R3HDM2: variants seen among roughly 807,000 people sequenced by gnomAD.
R3HDM2 encodes the protein R3H domain containing 2.
A neutral mutation model predicts 124.5 loss-of-function variants in R3HDM2; 38 were observed. The observed-to-expected ratio is 0.31, with a 90% CI of 0.24 to 0.40. The LOEUF is 0.40. Among genes scored for constraint, R3HDM2 ranks in the 10% least tolerant of loss-of-function variants. The probability of loss-of-function intolerance (pLI) is 1.00; values close to 1 mark genes in which losing one functional copy is unlikely to be tolerated. For missense variants in R3HDM2, 869 were observed against 1,236.9 expected (o/e 0.70, Z 4.46); for synonymous variants, 391 against 448.0 (o/e 0.87, Z 1.61).
chr12:57,339,957 G>A (rs2059359150), intron 2 of R3HDM2, among the ~76,000 whole-genome samples: 1 of 152,104 alleles, frequency 6.6e-6, no homozygotes, highest in Non-Finnish European at 1.5e-5. Context: ...AGGGAGAAAA[G>A]GGGATAAAAA....
At chr12:57,284,151 TGGGTAA>T in intron 12 of R3HDM2, 95 bp from the exon 13 acceptor site, 2 of 1,149,190 alleles carry the variant, frequency 1.7e-6, no homozygotes, top group Non-Finnish European at 2.5e-6. Context: ...TAACAAAGAA[TGGGTAA>T]GAATTAAAGG....
intron 2 of R3HDM2, among the ~76,000 whole-genome samples, chr12:57,378,810 C>T (rs552913961): frequency 1.5e-4 from 23 of 152,308 alleles, no homozygotes; most frequent in Non-Finnish European, 2.9e-4. Context: ...TTCATAATAG[C>T]TACATGGTAG....
At chr12:57,317,668 T>TAAA (rs562475743) in intron 2 of R3HDM2, among the ~76,000 whole-genome samples, 4 of 108,112 alleles carry the variant, frequency 3.7e-5, no homozygotes, top group Admixed American at 2.3e-4. Context: ...AGAAGATAGT[T>TAAA]AAAAAAAAAA....
chr12:57,299,460 T>C lies in R3HDM2; in HGVS notation c.313A>G (p.Ile105Val), dbSNP rs1439189868. 2.6e-6 allele frequency: 4 copies of C among 1,546,798 alleles called. No homozygotes were observed. Among genetic ancestry groups the C allele is most frequent in the African/African-American group, 1.4e-5 (1 of 72,938 alleles). ...TCCTCCTTGTCAGAAGGGCAACTGA[T>C]GTGCAATTGAATTATATCCTTAAGG... ...LETQDIIQLH[I>V]SCPSDKEEEK... The change falls in exon 6 of 24, where the codon ATC (isoleucine) becomes GTC (valine). Residue 105 changes from isoleucine (I) to valine (V), a missense_variant. Transcript: ENST00000402412.
intron 1 of R3HDM2, among the ~76,000 whole-genome samples, chr12:57,414,211 C>T (rs1436790719): frequency 6.6e-6 from 1 of 151,202 alleles, no homozygotes; most frequent in Admixed American, 6.6e-5. Flanking sequence ...ATAGGCCAGA[C>T]ACAGGGGCTC....
chr12:57,283,646 G>A (rs1284249475), intron 13 of R3HDM2, among the ~76,000 whole-genome samples, 178 bp downstream of exon 13: 1 of 152,100 alleles, frequency 6.6e-6, no homozygotes, highest in Non-Finnish European at 1.5e-5. Context: ...GGCTGAGGCA[G>A]GAGAATCACT....
At chr12:57,421,238 G>C (rs1156318455) in intron 1 of R3HDM2, among the ~76,000 whole-genome samples, 2 of 135,404 alleles carry the variant, frequency 1.5e-5, no homozygotes, top group Non-Finnish European at 3.1e-5. Context: ...AGCAACCTCC[G>C]CCTACTAGAT....
chr12:57,418,428 T>C (rs2069862961), intron 1 of R3HDM2: 2 of 693,536 alleles, frequency 2.9e-6, no homozygotes, highest in Non-Finnish European at 1.8e-6. Context: ...TTTGTCCTTG[T>C]ACAACTAAAA....
chr12:57,296,015 G>A lies in R3HDM2; in HGVS notation c.701+396C>T, dbSNP rs1198659363. On this transcript the variant is annotated intron_variant, in intron 9 of 23. Coordinates refer to ENST00000402412, the MANE Select transcript of R3HDM2 (RefSeq NM_001394031.1). The surrounding 1 kb of genome is among the most constrained non-coding windows in gnomAD (Gnocchi z 4.5). ...CTCCCGAGTAGCTGGGATTACAGGC[G>A]CCTGCCACCGCGCCCGGCTAATTTT... 6.6e-6 allele frequency among the ~76,000 whole-genome samples: 1 copy of A among 151,906 alleles called. No homozygotes were observed. The highest frequency in any genetic ancestry group is 1.5e-5 in the Non-Finnish European group (1 of 67,966).
rs1484535776 is a variant in R3HDM2 at position 57,254,482 on chromosome 12, CAA to C, written c.*289_*290del. The C allele has an allele frequency of 5.4e-6, 1 of 185,754 alleles. No homozygotes were observed. Among genetic ancestry groups the C allele is most frequent in the East Asian group, 1.3e-4 (1 of 7,894 alleles). The allele number at this position is 185,754 out of a possible 1,614,324, so 11.5% of individuals were successfully genotyped here. On this transcript the variant is annotated 3_prime_UTR_variant, in exon 24 of 24. Coordinates refer to ENST00000402412, the MANE Select transcript of R3HDM2 (RefSeq NM_001394031.1). The stretch of plus-strand genomic sequence containing the variant: ...TGCTACTGCACTCCAGCTGGGGTGA[CAA>C]GAGCGAAACTCCGTCTCAAAAAAAA...
At chr12:57,393,420 C>G (rs77566461) in intron 2 of R3HDM2, among the ~76,000 whole-genome samples, 2 of 152,100 alleles carry the variant, frequency 1.3e-5, no homozygotes, top group Non-Finnish European at 2.9e-5. Flanking sequence ...CACTTGAACT[C>G]GTAGTGCCTG....
chr12:57,259,067 G>T lies in R3HDM2; in HGVS notation c.2132-8C>A. 1 of 1,605,486 alleles carries T rather than the reference G, an allele frequency of 6.2e-7. No homozygotes were observed. Among genetic ancestry groups the T allele is most frequent in the South Asian group, 1.1e-5 (1 of 89,626 alleles). ...GTCCAGAAGGTGACACTCCTGAAGG[G>T]CAGGAAGAAAGCAGTTGGTTACAAA... On this transcript the variant is annotated splice_region_variant and splice_polypyrimidine_tract_variant and intron_variant, in intron 19 of 23. Transcript: ENST00000402412.
chr12:57,336,716 T>G (rs1350174238), intron 2 of R3HDM2, among the ~76,000 whole-genome samples: 1 of 151,974 alleles, frequency 6.6e-6, no homozygotes, highest in Non-Finnish European at 1.5e-5. Flanking sequence ...TATTGGGTAC[T>G]GGGCTTAACA....
intron 1 of R3HDM2, among the ~76,000 whole-genome samples, chr12:57,422,914 T>C (rs528316367): frequency 4.6e-5 from 7 of 151,976 alleles, no homozygotes; most frequent in South Asian, 2.1e-4. Context: ...CAGCAGTGAG[T>C]CATGATCATG....
At chr12:57,331,901 A>G (rs2136637288) in intron 2 of R3HDM2, among the ~76,000 whole-genome samples, 1 of 151,690 alleles carries the variant, frequency 6.6e-6, no homozygotes, top group Middle Eastern at 3.4e-3. Flanking sequence ...GTGACAGAGC[A>G]AGACTCTGTC....
chr12:57,420,206 A>C (rs952122813), intron 1 of R3HDM2, among the ~76,000 whole-genome samples: 36 of 152,178 alleles, frequency 2.4e-4, no homozygotes, highest in African/African-American at 8.4e-4. Flanking sequence ...TGTATATATA[A>C]ATATGCTCGA....
At chr12:57,298,803 A>C (rs2050456788) in intron 6 of R3HDM2, among the ~76,000 whole-genome samples, 1 of 151,908 alleles carries the variant, frequency 6.6e-6, no homozygotes, top group East Asian at 1.9e-4. Context: ...ACCTCTACAA[A>C]AATACAAAAA....
Position 57,324,953 on chromosome 12 carries a change from T to C in R3HDM2, c.-35-14490A>G, listed in dbSNP as rs193072781. Among the ~76,000 whole-genome samples, 322 of 152,090 alleles carry C rather than the reference T, an allele frequency of 2.1e-3. 7 individuals are homozygous for C. The highest frequency in any genetic ancestry group is 0.019 in the Admixed American group (294 of 15,266). ...TAGTGTCATTATAAGAAGAGGAAAT[T>C]TGGACACAGAAGTACACCAGAGGCA... On this transcript the variant is annotated intron_variant, in intron 2 of 23. Coordinates refer to ENST00000402412, the MANE Select transcript of R3HDM2 (RefSeq NM_001394031.1).
chr12:57,395,555 C>T (rs1386339202), intron 2 of R3HDM2, among the ~76,000 whole-genome samples, 194 bp downstream of exon 2: 1 of 151,858 alleles, frequency 6.6e-6, no homozygotes. Flanking sequence ...GCTGGGATTA[C>T]AGGTGTGAGC....
Sources: allele counts gnomAD v4.1 joint callset (sites outside exome capture counted in the v4.1 genomes callset), GRCh38; gene constraint gnomAD v4.1.1; non-coding constraint Gnocchi (gnomAD v3.1); transcripts MANE v1.5; gene names NCBI Gene and HGNC (gene_info 2026-07-23, HGNC 2026-07-21).